PKIA: variants seen among roughly 807,000 people sequenced by gnomAD.
PKIA encodes the protein PKI-alpha.
In PKIA, 4 loss-of-function variants were observed where a neutral mutation model predicts 7.6. The observed-to-expected ratio is 0.52, with a 90% CI of 0.26 to 1.20. The LOEUF (loss-of-function observed/expected upper bound fraction) is 1.20. Ranked by LOEUF, PKIA falls within the 50% of genes most tolerant of loss-of-function variation. The pLI is 0.13. For synonymous variants in PKIA, 21 were observed against 30.7 expected, an observed-to-expected ratio of 0.68 and a Z score of 1.04; for missense variants, 73 against 86.2, an observed-to-expected ratio of 0.85 and a Z score of 0.61.
At chr8:78,521,741 A>T (rs552491210) in intron 1 of PKIA, among the ~76,000 whole-genome samples, 1 of 152,020 alleles carries the variant, frequency 6.6e-6, no homozygotes, top group South Asian at 2.1e-4. Context: ...TATACGTAAC[A>T]TTTACTATTT....
At chr8:78,538,370 T>C (rs534082371) in intron 1 of PKIA, among the ~76,000 whole-genome samples, 1 of 152,188 alleles carries the variant, frequency 6.6e-6, no homozygotes, top group African/African-American at 2.4e-5. Context: ...ATGAGAGTAA[T>C]GAGTTTTCTT....
intron 1 of PKIA, among the ~76,000 whole-genome samples, chr8:78,555,123 T>C (rs922583706): frequency 4.6e-5 from 7 of 152,028 alleles, no homozygotes; most frequent in African/African-American, 1.7e-4. Flanking sequence ...AAAGGAATAG[T>C]AGTCACCTTC....
intron 1 of PKIA, among the ~76,000 whole-genome samples, chr8:78,518,174 T>C (rs966400742): frequency 5.9e-5 from 9 of 152,262 alleles, no homozygotes; most frequent in Admixed American, 3.3e-4. Context: ...ATCTTCAGTA[T>C]ATGAGGCATA....
At chr8:78,524,000 T>TTA (rs371965418) in intron 1 of PKIA, among the ~76,000 whole-genome samples, 1,460 of 91,356 alleles carry the variant, frequency 0.016, 43 homozygotes, top group African/African-American at 0.028. Context: ...ATATAAACAT[T>TTA]TATATATAAA....
intron 2 of PKIA, among the ~76,000 whole-genome samples, chr8:78,582,322 G>A (rs1033010805): frequency 1.3e-5 from 2 of 151,932 alleles, no homozygotes; most frequent in African/African-American, 2.4e-5. Flanking sequence ...TGCTGGAGAG[G>A]CCTCAGGAAA....
chr8:78,567,020 A>G (rs1379294308), intron 1 of PKIA, among the ~76,000 whole-genome samples: 1 of 152,144 alleles, frequency 6.6e-6, no homozygotes, highest in Non-Finnish European at 1.5e-5. Context: ...GCAAACTCAA[A>G]TATTTATTGG....
intron 1 of PKIA, chr8:78,556,434 G>T (rs1296606361): frequency 1.4e-5 from 2 of 146,800 alleles, no homozygotes; most frequent in Admixed American, 6.7e-5. Flanking sequence ...TAACAAAAAT[G>T]GGATTTTGTT....
intron 1 of PKIA, among the ~76,000 whole-genome samples, chr8:78,540,174 G>T (rs560820159): frequency 4.6e-5 from 7 of 151,666 alleles, no homozygotes; most frequent in Middle Eastern, 3.2e-3. Context: ...GCTTCCCTAC[G>T]AGTTCTAATG....
At chr8:78,561,592 T>G (rs557168144) in intron 1 of PKIA, among the ~76,000 whole-genome samples, 8 of 152,260 alleles carry the variant, frequency 5.3e-5, no homozygotes, top group African/African-American at 1.9e-4. Context: ...TAGGGTCAGT[T>G]GTACCCACGT....
At chr8:78,536,859 T>TACACACACACACACAC (rs58547049) in intron 1 of PKIA, among the ~76,000 whole-genome samples, 3 of 136,042 alleles carry the variant, frequency 2.2e-5, no homozygotes, top group Non-Finnish European at 1.6e-5. Context: ...CTAGAAAACA[T>TACACACACACACACAC]ACACACACAC....
chr8:78,529,535 A>C (rs554134225), intron 1 of PKIA, among the ~76,000 whole-genome samples: 2 of 152,096 alleles, frequency 1.3e-5, no homozygotes, highest in Non-Finnish European at 2.9e-5. Flanking sequence ...AATTAAAAAT[A>C]CTAATTTGTG....
intron 1 of PKIA, among the ~76,000 whole-genome samples, chr8:78,529,511 C>T (rs918754329): frequency 3.3e-5 from 5 of 151,920 alleles, no homozygotes; most frequent in African/African-American, 4.8e-5. Context: ...CTTTTTTAAA[C>T]ATTTTTACTT....
chr8:78,569,473 C>A (rs1453330516), intron 1 of PKIA, among the ~76,000 whole-genome samples: 1 of 152,110 alleles, frequency 6.6e-6, no homozygotes, highest in East Asian at 1.9e-4. Flanking sequence ...CCCAGTGGAA[C>A]CTGTACATTC....
intron 1 of PKIA, among the ~76,000 whole-genome samples, chr8:78,565,459 T>G (rs1807381882): frequency 6.6e-6 from 1 of 151,988 alleles, no homozygotes. Context: ...AAGGATTTTA[T>G]ATAAGTGTAA....
chr8:78,598,567 C>T lies in PKIA; in HGVS notation c.151+32C>T, dbSNP rs546684340. The T allele has an allele frequency of 1.5e-5, 23 of 1,567,172 alleles. No individual in the cohort carries two copies. In the South Asian group the frequency reaches 2.5e-4, roughly 17 times the overall value. On this transcript the variant is annotated intron_variant, in intron 3 of 3. Coordinates refer to ENST00000396418, the MANE Select transcript of PKIA (RefSeq NM_006823.4). ...CATCTGGCACACATTTCTCTATGAG[C>T]ATGGAATGATTTGCGGCATTTTACT...
At chr8:78,583,143 C>G (rs1437241628) in intron 2 of PKIA, among the ~76,000 whole-genome samples, 1 of 152,112 alleles carries the variant, frequency 6.6e-6, no homozygotes, top group African/African-American at 2.4e-5. Flanking sequence ...CTTCAAAGGC[C>G]TTTTAGAAGA....
intron 1 of PKIA, among the ~76,000 whole-genome samples, chr8:78,557,521 G>C (rs748735679): frequency 1.3e-5 from 2 of 152,114 alleles, no homozygotes; most frequent in Non-Finnish European, 2.9e-5. Context: ...AGCATTGTGG[G>C]ACATGAAGTG....
rs926621617 is a variant in PKIA, at chr8:78,601,781, G to A, written c.191G>A (p.Ser64Asn). The A allele has an allele frequency of 3.7e-6, 6 of 1,612,490 alleles. No homozygotes were observed. Among genetic ancestry groups the A allele is most frequent in the South Asian group, 1.1e-5 (1 of 91,014 alleles). ...GCACAACGAAGTTCTACAGAACAAAGTGGGGAAGCCCAGGGAGAAGCAGCA... is the reference window on the plus strand; with the variant it reads ...GCACAACGAAGTTCTACAGAACAAAATGGGGAAGCCCAGGGAGAAGCAGCA... The part of the protein sequence containing the change: ...EDAQRSSTEQ[S>N]GEAQGEAAKS... The change falls in exon 4 of 4, where the codon AGT becomes AAT. Residue 64 changes from serine to asparagine, a missense_variant. Ser to Asn is a conservative substitution (Grantham distance 46, BLOSUM62 1). Transcript: ENST00000396418.
intron 2 of PKIA, chr8:78,591,207 T>G (rs1219289183): frequency 6.6e-6 from 1 of 152,608 alleles, no homozygotes; most frequent in Non-Finnish European, 1.5e-5. Flanking sequence ...ACTATAAAAA[T>G]CATTTTAGCA....
Sources: allele counts gnomAD v4.1 joint callset (sites outside exome capture counted in the v4.1 genomes callset), GRCh38; gene constraint gnomAD v4.1.1; transcripts MANE v1.5; gene names NCBI Gene and HGNC (gene_info 2026-07-23, HGNC 2026-07-21).